NBEAL1: variants seen among roughly 807,000 people sequenced by gnomAD.
NBEAL1 encodes neurobeachin like 1.
A neutral mutation model predicts 351.3 loss-of-function variants in NBEAL1; 273 were observed. The observed-to-expected ratio is 0.78, with a 90% CI of 0.70 to 0.86. The LOEUF is 0.86. NBEAL1 is among the 40% of genes least tolerant of loss of function. NBEAL1 has a pLI of 0.00. For missense variants in NBEAL1, 2,961 were observed against 3,201.3 expected (o/e 0.92, Z 1.81); for synonymous variants, 1,050 against 1,086.4 (o/e 0.97, Z 0.66).
At chr2:203,057,573 A>C in intron 6 of NBEAL1, 120 bp downstream of exon 6, 1 of 732,922 alleles carries the variant, frequency 1.4e-6, no homozygotes. Context: ...CCACAGATTT[A>C]ACTCTGAGCT....
rs1220557716 is a variant in NBEAL1, at chr2:203,113,322, A to G, written c.2506+4A>G. 1 of 1,370,086 alleles carries G rather than the reference A, an allele frequency of 7.3e-7. No individual in the cohort carries two copies. Among genetic ancestry groups the G allele is most frequent in the South Asian group, 2.1e-5 (1 of 47,910 alleles). 84.9% of individuals were successfully genotyped at this position (1,370,086 alleles called of 1,614,324 possible). On this transcript the variant is annotated splice_donor_region_variant and intron_variant, in intron 17 of 55. Transcript: ENST00000683969. The stretch of plus-strand genomic sequence containing the variant: ...GTGAAGGCATTATATTTAGCAGGTA[A>G]GCATGTACAGTCATAATGCTTAAGC...
At position 203,172,734 on chromosome 2, in the gene NBEAL1, C is replaced by A. The variant is rs765359726; in HGVS notation, c.6204C>A (p.Pro2068=). The change falls in exon 41 of 56, where the codon CCC becomes CCA. Residue 2068 remains proline (P), a synonymous_variant. Coordinates refer to ENST00000683969, the MANE Select transcript of NBEAL1 (RefSeq NM_001378026.1). ...GTAAATTATGGCTCTTTTAGTTTCC[C>A]TGGATTTTACAAGATTATACTTCGG... ...YNDLAQYPVF[P]WILQDYTSEE... The A allele has an allele frequency of 6.2e-7, 1 of 1,604,004 alleles. No individual in the cohort carries two copies. Among genetic ancestry groups the A allele is most frequent in the Non-Finnish European group, 8.5e-7 (1 of 1,175,596 alleles).
At position 203,180,407 on chromosome 2, in the gene NBEAL1, C is replaced by G; in HGVS notation, c.6490C>G (p.His2164Asp). 1 of 1,611,550 alleles carries G rather than the reference C, an allele frequency of 6.2e-7. No individual in the cohort carries two copies. Among genetic ancestry groups the G allele is most frequent in the Non-Finnish European group, 8.5e-7 (1 of 1,178,926 alleles). The change falls in exon 43 of 56, where the codon CAT (histidine) becomes GAT (aspartate). Residue 2164 changes from histidine to aspartate, a missense_variant. By Grantham distance (81) the His-to-Asp change is moderately conservative (BLOSUM62 -1). Coordinates refer to ENST00000683969, the MANE Select transcript of NBEAL1 (RefSeq NM_001378026.1). ...GRFDCADRQF[H>D]SIPATWQALM... is the part of the protein sequence containing the mutation. Reference sequence around the variant, plus strand: ...GTTTGACTGTGCAGATCGACAGTTCCATTCTATTCCTGCTACCTGGCAAGC... The same window carrying G: ...GTTTGACTGTGCAGATCGACAGTTCGATTCTATTCCTGCTACCTGGCAAGC...
chr2:203,151,434 AT>A (rs776831574), intron 34 of NBEAL1, 30 bp from the exon 35 acceptor site: 1 of 1,493,192 alleles, frequency 6.7e-7, no homozygotes, highest in Non-Finnish European at 9.1e-7. Context: ...AAGCTAAATA[AT>A]TTTACTTATT....
At chr2:203,132,167 G>T in intron 26 of NBEAL1, 35 bp downstream of exon 26, 2 of 1,328,174 alleles carry the variant, frequency 1.5e-6, no homozygotes, top group East Asian at 2.7e-5. Flanking sequence ...ACATATTTAA[G>T]AAATGTTTTT....
intron 18 of NBEAL1, 31 bp from the exon 19 acceptor site, chr2:203,122,223 G>T: frequency 8.0e-7 from 1 of 1,247,724 alleles, no homozygotes; most frequent in East Asian, 2.6e-5. Flanking sequence ...GTTCTAATTG[G>T]TTGTTTGCCA....
intron 35 of NBEAL1, among the ~76,000 whole-genome samples, chr2:203,156,101 T>G (rs570018693): frequency 3.5e-4 from 53 of 152,334 alleles, no homozygotes; most frequent in Non-Finnish European, 6.6e-4. Flanking sequence ...TAGTTTCTAC[T>G]TCTCTTGTAT....
chr2:203,081,937 C>CA (rs1313168034), intron 8 of NBEAL1, among the ~76,000 whole-genome samples: 9 of 152,134 alleles, frequency 5.9e-5, no homozygotes, highest in Non-Finnish European at 1.3e-4. Context: ...CCTGTCTCTA[C>CA]AAAAAAGTTT....
chr2:203,108,204 A>G lies in NBEAL1; in HGVS notation c.1949+16A>G. 1 of 1,508,760 alleles carries G rather than the reference A, an allele frequency of 6.6e-7. No individual in the cohort carries two copies. The highest frequency in any genetic ancestry group is 9.0e-7 in the Non-Finnish European group (1 of 1,116,118). 93.5% of individuals were successfully genotyped at this position (1,508,760 alleles called of 1,614,324 possible). A position where few individuals can be genotyped will look rare whatever the true frequency, so the allele number is the denominator to read the frequency against. ...AATTGTACAGGTATTGGTAAAAATT[A>G]TGGAATATAAATGAATACTGTCATA... On this transcript the variant is annotated intron_variant, in intron 14 of 55. Transcript: ENST00000683969.
intron 2 of NBEAL1, among the ~76,000 whole-genome samples, chr2:203,027,569 A>G (rs2060879097): frequency 6.6e-6 from 1 of 152,246 alleles, no homozygotes; most frequent in African/African-American, 2.4e-5. Context: ...TTTGAATGGT[A>G]GGAAAGGTGT....
chr2:203,019,580 C>CG (rs1237532170), intron 2 of NBEAL1, among the ~76,000 whole-genome samples: 5 of 152,126 alleles, frequency 3.3e-5, no homozygotes, highest in Admixed American at 6.5e-5. Flanking sequence ...GGACTGCTTC[C>CG]GGGCAGTAAG....
intron 12 of NBEAL1, among the ~76,000 whole-genome samples, chr2:203,101,460 T>C (rs2062319074): frequency 6.6e-6 from 1 of 152,220 alleles, no homozygotes; most frequent in African/African-American, 2.4e-5. Context: ...TCTTTTTGTC[T>C]AGGATTGCCT....
At chr2:203,032,421 G>GC (rs2060963811) in intron 2 of NBEAL1, among the ~76,000 whole-genome samples, 1 of 152,054 alleles carries the variant, frequency 6.6e-6, no homozygotes, top group Admixed American at 6.5e-5. Context: ...ACTTTGGGAG[G>GC]CTGAGGCGGG....
intron 18 of NBEAL1, among the ~76,000 whole-genome samples, chr2:203,121,685 C>T (rs1188053476): frequency 2.0e-5 from 3 of 150,054 alleles, no homozygotes; most frequent in Non-Finnish European, 4.4e-5. Context: ...CTGTGGCTGG[C>T]GAACAAGTTC....
At position 203,201,634 on chromosome 2, in the gene NBEAL1, A is replaced by G. The variant is rs752810166; in HGVS notation, c.7330A>G (p.Ser2444Gly). Residue 2444 changes from serine (S) to glycine (G), a missense_variant, in exon 50 of 56, where the codon AGT becomes GGT. Physicochemically the swap from Ser to Gly is moderately conservative, Grantham distance 56. Transcript: ENST00000683969. ...ATCACATGATGCAAAGTTGCTCTTC[A>G]GTGCTGGATACTGGGATAATAGCAT... is the stretch of plus-strand genomic sequence containing the variant. Reference protein sequence around the residue: ...VVSHDAKLLFSAGYWDNSIQV... With the variant: ...VVSHDAKLLFGAGYWDNSIQV... The G allele has an allele frequency of 6.2e-7, 1 of 1,612,608 alleles. No individual in the cohort carries two copies. The highest frequency in any genetic ancestry group is 2.2e-5 in the East Asian group (1 of 44,802).
At chr2:203,030,665 C>T (rs1469784240) in intron 2 of NBEAL1, among the ~76,000 whole-genome samples, 3 of 152,026 alleles carry the variant, frequency 2.0e-5, no homozygotes, top group Non-Finnish European at 4.4e-5. Flanking sequence ...TGAGTGAGAA[C>T]CAACAGAAGT....
chr2:203,172,409 A>C (rs12999642), intron 40 of NBEAL1, among the ~76,000 whole-genome samples: 134,474 of 151,906 alleles, frequency 0.89, 60,606 homozygotes, highest in Non-Finnish European at 0.96. Context: ...TAATCCCAGC[A>C]ACTCAGGAGG....
intron 43 of NBEAL1, chr2:203,181,737 C>G (rs2043447): frequency 0.89 from 134,743 of 152,154 alleles, 60,737 homozygotes; most frequent in Non-Finnish European, 0.96. Context: ...TGACCATGAA[C>G]TCTGGAACAA....
chr2:203,191,428 C>T (rs1295907831), intron 46 of NBEAL1: 1 of 455,542 alleles, frequency 2.2e-6, no homozygotes, highest in Non-Finnish European at 3.9e-6. Flanking sequence ...GAAATTAAAT[C>T]ATTATCTTCC....
Sources: gnomAD v4.1 joint callset for allele counts (sites outside exome capture counted in the v4.1 genomes callset) on GRCh38, gnomAD v4.1.1 for gene constraint, MANE v1.5 for transcripts, NCBI Gene and HGNC (gene_info 2026-07-23, HGNC 2026-07-21) for gene names.